Variants in FHOD3 observed in about 807,000 individuals in gnomAD.
The protein encoded by FHOD3 is FH1/FH2 domain-containing protein 3.
FHOD3 carries 90 observed loss-of-function variants against 173.0 expected under a neutral mutation model. That is an observed-to-expected ratio of 0.52 (90% CI 0.44 to 0.62). The LOEUF (loss-of-function observed/expected upper bound fraction) is 0.62, where lower values mean the gene tolerates loss of function less well. Among genes scored for constraint, FHOD3 ranks in the 20% least tolerant of loss-of-function variants. The pLI is 0.00. For missense variants in FHOD3, 1,945 were observed against 2,034.7 expected (o/e 0.96, Z 0.85); for synonymous variants, 828 against 823.0 (o/e 1.01, Z -0.10).
intron 10 of FHOD3, among the ~76,000 whole-genome samples, chr18:36,632,910 A>C (rs1184439594): frequency 6.6e-6 from 1 of 152,192 alleles, no homozygotes; most frequent in Non-Finnish European, 1.5e-5. Flanking sequence ...GAAAGAAGGA[A>C]AGTAAAATAC....
At chr18:36,505,258 A>G (rs12965443) in intron 4 of FHOD3, among the ~76,000 whole-genome samples, 8,138 of 152,340 alleles carry the variant, frequency 0.053, 456 homozygotes, top group East Asian at 0.29. Context: ...AGTCATTTAT[A>G]TATACCTATA....
chr18:36,622,332 G>GA (rs2033778590), intron 9 of FHOD3, among the ~76,000 whole-genome samples: 2 of 152,122 alleles, frequency 1.3e-5, no homozygotes, highest in Non-Finnish European at 2.9e-5. Context: ...ATCTCATGTT[G>GA]AATATTTTTA....
Position 36,602,656 on chromosome 18 carries a change from T to A in FHOD3, c.719-18T>A, listed in dbSNP as rs1453412388. On this transcript the variant is annotated intron_variant, in intron 7 of 28. Transcript: ENST00000590592. ...GTTGATGAATTGCTGTTTCTAATGA[T>A]TTTTGCTTTACTCATAGGGGTCAAA... 3.5e-5 allele frequency: 55 copies of A among 1,572,022 alleles called. No homozygotes were observed. The highest frequency in any genetic ancestry group is 4.8e-5 in the Non-Finnish European group (55 of 1,141,772).
At chr18:36,636,640 T>G (rs2034905343) in intron 10 of FHOD3, among the ~76,000 whole-genome samples, 1 of 151,172 alleles carries the variant, frequency 6.6e-6, no homozygotes, top group African/African-American at 2.4e-5. Flanking sequence ...CCCAGATAAA[T>G]AATTTCATTC....
intron 1 of FHOD3, among the ~76,000 whole-genome samples, chr18:36,310,132 G>A (rs1390325420): frequency 6.6e-6 from 1 of 152,218 alleles, no homozygotes; most frequent in Non-Finnish European, 1.5e-5. Context: ...CACAGTCAGA[G>A]AAAAATGTAA....
At chr18:36,525,892 T>G (rs2056487713) in intron 5 of FHOD3, among the ~76,000 whole-genome samples, 1 of 152,196 alleles carries the variant, frequency 6.6e-6, no homozygotes, top group Non-Finnish European at 1.5e-5. Context: ...AGAAGGCAAT[T>G]TATAAGAAAA....
chr18:36,380,970 G>A (rs2047752990), intron 3 of FHOD3, among the ~76,000 whole-genome samples: 1 of 152,112 alleles, frequency 6.6e-6, no homozygotes, highest in Non-Finnish European at 1.5e-5. Flanking sequence ...TGGCCACGGG[G>A]CTGGGATGCC....
chr18:36,744,025 A>C lies in FHOD3; in HGVS notation c.3880-7A>C, dbSNP rs756720729. On this transcript the variant is annotated splice_polypyrimidine_tract_variant and splice_region_variant and intron_variant, in intron 22 of 28. Transcript: ENST00000590592. ...AAACATGTCTTTTATTGATGTTTGC[A>C]AAACAGGCCAAAGCGTTTGAGTTAA... 2.5e-6 allele frequency: 4 copies of C among 1,613,958 alleles called. No homozygotes were observed. Among genetic ancestry groups the C allele is most frequent in the South Asian group, 1.1e-5 (1 of 91,078 alleles).
chr18:36,389,812 A>G (rs1247326165), intron 3 of FHOD3, among the ~76,000 whole-genome samples: 2 of 152,128 alleles, frequency 1.3e-5, no homozygotes, highest in Non-Finnish European at 2.9e-5. Context: ...TTCTGAGGAC[A>G]GACGGGTGAA....
At chr18:36,621,791 A>G (rs1195553730) in intron 9 of FHOD3, among the ~76,000 whole-genome samples, 1 of 152,236 alleles carries the variant, frequency 6.6e-6, no homozygotes, top group Non-Finnish European at 1.5e-5. Context: ...AAACTGTTCA[A>G]GCATTAAAAA....
chr18:36,502,029 G>A (rs1218020782), intron 4 of FHOD3, 30 bp downstream of exon 4: 1 of 1,458,482 alleles, frequency 6.9e-7, no homozygotes, highest in Admixed American at 1.8e-5. Flanking sequence ...GTACTTACCT[G>A]TTTTTACATT....
At chr18:36,620,941 G>T (rs1260758114) in intron 9 of FHOD3, among the ~76,000 whole-genome samples, 1 of 152,120 alleles carries the variant, frequency 6.6e-6, no homozygotes, top group East Asian at 1.9e-4. Context: ...TCAAGCAATT[G>T]CAGAGAGCTT....
chr18:36,652,693 C>T lies in FHOD3; in HGVS notation c.1410C>T (p.Gly470=), dbSNP rs550501992. ...QGKPLLVGTA[G]GTTWHSGSSG... Reference sequence around the variant, plus strand: ...AGCCGCTTCTGGTTGGCACTGCAGGCGGGACCACCTGGCACAGTGGGTCCT... The same window carrying T: ...AGCCGCTTCTGGTTGGCACTGCAGGTGGGACCACCTGGCACAGTGGGTCCT... Residue 470 remains glycine, a synonymous_variant, in exon 12 of 29, where the codon GGC becomes GGT. Coordinates refer to ENST00000590592, the MANE Select transcript of FHOD3 (RefSeq NM_001281740.3). The T allele has an allele frequency of 9.3e-5, 143 of 1,535,712 alleles. No individual in the cohort carries two copies. The highest frequency in any genetic ancestry group is 8.4e-4 in the Middle Eastern group (5 of 5,960).
At chr18:36,763,835 A>T (rs1049445848) in intron 27 of FHOD3, among the ~76,000 whole-genome samples, 1 of 152,158 alleles carries the variant, frequency 6.6e-6, no homozygotes, top group African/African-American at 2.4e-5. Context: ...TACAGCCTTG[A>T]TCCCCAGACA....
intron 3 of FHOD3, among the ~76,000 whole-genome samples, chr18:36,488,745 A>G (rs1409089367): frequency 1.4e-4 from 22 of 152,204 alleles, no homozygotes; most frequent in Admixed American, 1.4e-3. Flanking sequence ...ACTTAGGTGC[A>G]GAGAGGAATT....
intron 17 of FHOD3, among the ~76,000 whole-genome samples, chr18:36,704,127 C>G (rs1371455753): frequency 6.6e-6 from 1 of 152,190 alleles, no homozygotes; most frequent in Non-Finnish European, 1.5e-5. Context: ...TTACCACATC[C>G]TTTTATGCAG....
At chr18:36,368,260 A>G (rs2047000734) in intron 2 of FHOD3, among the ~76,000 whole-genome samples, 1 of 152,160 alleles carries the variant, frequency 6.6e-6, no homozygotes, top group Non-Finnish European at 1.5e-5. Flanking sequence ...TCCTGTCTTA[A>G]AGCTCCATAT....
In FHOD3 at chr18:36,354,185, G is replaced by A. The variant is rs572285333; in HGVS notation, c.166-1354G>A. On this transcript the variant is annotated intron_variant, in intron 1 of 28. Coordinates refer to ENST00000590592, the MANE Select transcript of FHOD3 (RefSeq NM_001281740.3). ...GTTGATACAAGCTGCATTTTGCACC[G>A]TGACAAAATTTTCAAGTTCTGTGTG... 1.1e-4 allele frequency among the ~76,000 whole-genome samples: 17 copies of A among 152,326 alleles called. No individual in the cohort carries two copies. In the South Asian group the frequency reaches 3.1e-3, roughly 28 times the overall value.
intron 24 of FHOD3, among the ~76,000 whole-genome samples, chr18:36,751,098 C>T (rs9963168): frequency 0.048 from 7,296 of 152,252 alleles, 601 homozygotes; most frequent in African/African-American, 0.17. Context: ...GACACTAATC[C>T]TTCCAATTCA....
Sources: allele counts gnomAD v4.1 joint callset (sites outside exome capture counted in the v4.1 genomes callset), GRCh38; gene constraint gnomAD v4.1.1; transcripts MANE v1.5; gene names NCBI Gene and HGNC (gene_info 2026-07-23, HGNC 2026-07-21).